The following ST8SIA4 variants were observed in gnomAD, a reference collection of about 807,000 sequenced individuals.
ST8SIA4 encodes ST8 alpha-N-acetyl-neuraminide alpha-2,8-sialyltransferase 4.
A neutral mutation model predicts 33.9 loss-of-function variants in ST8SIA4; 15 were observed. That is an observed-to-expected ratio of 0.44 (90% CI 0.30 to 0.68). The LOEUF (loss-of-function observed/expected upper bound fraction) is 0.68. Among genes scored for constraint, ST8SIA4 ranks in the 30% least tolerant of loss-of-function variants. ST8SIA4 has a pLI of 0.10. For missense variants in ST8SIA4, 321 were observed against 428.0 expected, an observed-to-expected ratio of 0.75 and a Z score of 2.21; for synonymous variants, 171 against 151.2, an observed-to-expected ratio of 1.13 and a Z score of -0.96.
intron 4 of ST8SIA4, among the ~76,000 whole-genome samples, chr5:100,823,130 CATAA>C (rs1224320836): frequency 1.4e-5 from 2 of 147,256 alleles, no homozygotes; most frequent in Non-Finnish European, 1.5e-5. Flanking sequence ...GACTCCGTCT[CATAA>C]ACAAACAAAC....
chr5:100,870,573 T>C (rs959332159), intron 3 of ST8SIA4, among the ~76,000 whole-genome samples: 1 of 152,162 alleles, frequency 6.6e-6, no homozygotes, highest in African/African-American at 2.4e-5. Context: ...TCGTTTACAA[T>C]CTTTGTTTCA....
At chr5:100,865,504 T>A (rs1752042130) in intron 3 of ST8SIA4, among the ~76,000 whole-genome samples, 1 of 152,188 alleles carries the variant, frequency 6.6e-6, no homozygotes, top group Admixed American at 6.5e-5. Context: ...AGGAAATCTT[T>A]ATCTTCAACT....
intron 4 of ST8SIA4, among the ~76,000 whole-genome samples, chr5:100,841,261 T>C (rs1447361224): frequency 6.6e-6 from 1 of 151,858 alleles, no homozygotes; most frequent in Non-Finnish European, 1.5e-5. Context: ...ACTGGGACTT[T>C]TGTAAATTGG....
At chr5:100,839,345 T>C (rs1336921119) in intron 4 of ST8SIA4, among the ~76,000 whole-genome samples, 3 of 151,996 alleles carry the variant, frequency 2.0e-5, no homozygotes, top group Non-Finnish European at 4.4e-5. Context: ...GAAAAGATCT[T>C]GATTTTGCTC....
chr5:100,845,001 T>G (rs1211708376), intron 4 of ST8SIA4, among the ~76,000 whole-genome samples: 13 of 152,090 alleles, frequency 8.5e-5, no homozygotes, highest in Admixed American at 5.9e-4. Flanking sequence ...ATGGCAATTC[T>G]AGTGGTCAAG....
At chr5:100,893,240 A>C (rs1211081837) in intron 2 of ST8SIA4, among the ~76,000 whole-genome samples, 6 of 152,098 alleles carry the variant, frequency 3.9e-5, no homozygotes, top group Non-Finnish European at 7.4e-5. Flanking sequence ...TCATATTCTA[A>C]ATTTTTTTAT....
At chr5:100,824,211 T>A (rs1751092930) in intron 4 of ST8SIA4, among the ~76,000 whole-genome samples, 2 of 152,186 alleles carry the variant, frequency 1.3e-5, no homozygotes, top group Admixed American at 1.3e-4. Context: ...GTAATATTGT[T>A]TTGTATGATG....
chr5:100,827,455 C>T (rs769657442), intron 4 of ST8SIA4, among the ~76,000 whole-genome samples: 28 of 152,196 alleles, frequency 1.8e-4, no homozygotes, highest in African/African-American at 5.1e-4. Context: ...CACTTGCACA[C>T]ATCTGCATAT....
chr5:100,822,034 T>C (rs1359125722), intron 4 of ST8SIA4, among the ~76,000 whole-genome samples: 1 of 152,188 alleles, frequency 6.6e-6, no homozygotes, highest in African/African-American at 2.4e-5. Context: ...TTTTGAATTA[T>C]ATTACAAAGC....
chr5:100,822,947 C>G (rs372178160), intron 4 of ST8SIA4, among the ~76,000 whole-genome samples: 1 of 151,962 alleles, frequency 6.6e-6, no homozygotes, highest in African/African-American at 2.4e-5. Flanking sequence ...CTGGCTAACA[C>G]GGTGAAACCC....
At chr5:100,876,772 CAT>C (rs1301969308) in intron 3 of ST8SIA4, among the ~76,000 whole-genome samples, 1 of 151,886 alleles carries the variant, frequency 6.6e-6, no homozygotes, top group Non-Finnish European at 1.5e-5. Flanking sequence ...GATATATGTA[CAT>C]GAGACCTAAA....
chr5:100,880,027 A>C (rs1374875184), intron 3 of ST8SIA4, among the ~76,000 whole-genome samples: 5 of 152,068 alleles, frequency 3.3e-5, no homozygotes, highest in African/African-American at 1.2e-4. Flanking sequence ...TCATTCATGC[A>C]AGGTGGGATG....
chr5:100,808,295 A>G lies in ST8SIA4; in HGVS notation c.*3552T>C, dbSNP rs1750735681. The G allele has an allele frequency of 1.3e-5, 2 of 152,658 alleles. No individual in the cohort carries two copies. The highest frequency in any genetic ancestry group is 1.3e-4 in the Admixed American group (2 of 15,284). The allele number at this position is 152,658 out of a possible 1,614,324, so 9.5% of individuals were successfully genotyped here. On this transcript the variant is annotated 3_prime_UTR_variant, in exon 5 of 5. Coordinates refer to ENST00000231461, the MANE Select transcript of ST8SIA4 (RefSeq NM_005668.6). ...AATTCCCATTAGTAATTGATATACA[A>G]TTCATATGATATACAATACATGAAC... is the stretch of plus-strand genomic sequence containing the variant.
At position 100,817,384 on chromosome 5, in the gene ST8SIA4, A is replaced by T. The variant is rs116308107; in HGVS notation, c.798-5255T>A. Among the ~76,000 whole-genome samples the T allele has an allele frequency of 3.4e-3, 511 of 152,172 alleles. 5 individuals carry two copies. The highest frequency in any genetic ancestry group is 0.012 in the African/African-American group (497 of 41,538). On this transcript the variant is annotated intron_variant, in intron 4 of 4. Coordinates refer to ENST00000231461, the MANE Select transcript of ST8SIA4 (RefSeq NM_005668.6). The stretch of plus-strand genomic sequence containing the variant: ...TGATGACCTTATTTTTCCCATCAAA[A>T]ATCACAGTATGGAGCAATAAATAAA...
rs1752951241 is a variant in ST8SIA4 at position 100,902,825 on chromosome 5, A to G, written c.113+18T>C. On this transcript the variant is annotated intron_variant, in intron 1 of 4. Coordinates refer to ENST00000231461, the MANE Select transcript of ST8SIA4 (RefSeq NM_005668.6). ...GCTTGACTTTTTGTCATATCCTGAA[A>G]TGAAGCTTTGCATTTACCCGATGAG... The G allele has an allele frequency of 6.3e-7, 1 of 1,593,386 alleles. No homozygotes were observed. The highest frequency in any genetic ancestry group is 8.6e-7 in the Non-Finnish European group (1 of 1,161,148).
intron 3 of ST8SIA4, among the ~76,000 whole-genome samples, chr5:100,871,182 A>G (rs1186076991): frequency 6.6e-6 from 1 of 152,050 alleles, no homozygotes; most frequent in African/African-American, 2.4e-5. Context: ...TCTGTTCCAG[A>G]AAAGTCTATT....
At chr5:100,853,428 T>C (rs1561395085) in intron 4 of ST8SIA4, among the ~76,000 whole-genome samples, 1 of 152,190 alleles carries the variant, frequency 6.6e-6, no homozygotes, top group African/African-American at 2.4e-5. Flanking sequence ...CTTGACACTT[T>C]AAGAGGGTAT....
chr5:100,822,992 G>A (rs550999743), intron 4 of ST8SIA4, among the ~76,000 whole-genome samples: 3 of 152,174 alleles, frequency 2.0e-5, no homozygotes, highest in Non-Finnish European at 1.5e-5. Context: ...GTAGCCGGGC[G>A]TGGTGGCGGG....
intron 3 of ST8SIA4, among the ~76,000 whole-genome samples, chr5:100,866,629 AT>A (rs977911508): frequency 5.9e-5 from 9 of 151,930 alleles, no homozygotes; most frequent in African/African-American, 2.2e-4. Context: ...TATTATATAT[AT>A]GTTTACACAC....
Sources: gnomAD v4.1 joint callset for allele counts (sites outside exome capture counted in the v4.1 genomes callset) on GRCh38, gnomAD v4.1.1 for gene constraint, MANE v1.5 for transcripts, NCBI Gene and HGNC (gene_info 2026-07-23, HGNC 2026-07-21) for gene names.